The following ARHGEF28 variants were observed in gnomAD, a reference collection of about 807,000 sequenced individuals.
ARHGEF28 encodes Rho guanine nucleotide exchange factor 28, also known as 190 kDa guanine nucleotide exchange factor.
ARHGEF28 carries 152 observed loss-of-function variants against 206.6 expected under a neutral mutation model. The ratio of observed to expected loss-of-function variants is 0.74; its 90% CI spans 0.64 to 0.84. The LOEUF (loss-of-function observed/expected upper bound fraction) is 0.84. Among genes scored for constraint, ARHGEF28 ranks in the 40% least tolerant of loss-of-function variants. The pLI, the probability that ARHGEF28 is intolerant of heterozygous loss-of-function variation, is 0.00. For synonymous variants in ARHGEF28, 763 were observed against 776.4 expected (o/e 0.98, Z 0.29); for missense variants, 2,028 against 2,073.2 (o/e 0.98, Z 0.42).
At chr5:73,834,084 T>G (rs1212134085) in intron 10 of ARHGEF28, among the ~76,000 whole-genome samples, 1 of 152,164 alleles carries the variant, frequency 6.6e-6, no homozygotes, top group Non-Finnish European at 1.5e-5. Flanking sequence ...AAATAGAAAT[T>G]ATATATATTT....
rs1204845184 is a variant in ARHGEF28 at position 73,815,190 on chromosome 5, G to GTGTATA, written c.1025-17147_1025-17146insGTATAT. On this transcript the variant is annotated intron_variant, in intron 9 of 35. Coordinates refer to ENST00000513042, the MANE Select transcript of ARHGEF28 (RefSeq NM_001177693.2). ...AACTTACTGTTAAATGATTCAGGGG[G>GTGTATA]TATATATATATATATATATATGAGC... Among the ~76,000 whole-genome samples, 887 of 148,538 alleles carry GTGTATA rather than the reference G, an allele frequency of 6.0e-3. 4 individuals are homozygous for GTGTATA. Among genetic ancestry groups the GTGTATA allele is most frequent in the Non-Finnish European group, 9.0e-3 (605 of 66,902 alleles).
At position 73,868,091 on chromosome 5, in the gene ARHGEF28, C is replaced by T; in HGVS notation, c.2298-9C>T. 6.2e-7 allele frequency: 1 copy of T among 1,612,600 alleles called. No homozygotes were observed. The highest frequency in any genetic ancestry group is 8.5e-7 in the Non-Finnish European group (1 of 1,179,288). ...TGGGGCTAACTTTGCTCCCCTCCCT[C>T]TCTCCTAGCTTCAGGAGGTCAGCCA... On this transcript the variant is annotated splice_polypyrimidine_tract_variant and intron_variant, in intron 19 of 35. Coordinates refer to ENST00000513042, the MANE Select transcript of ARHGEF28 (RefSeq NM_001177693.2).
chr5:73,815,791 T>C (rs1756167540), intron 9 of ARHGEF28, among the ~76,000 whole-genome samples: 1 of 152,216 alleles, frequency 6.6e-6, no homozygotes, highest in Non-Finnish European at 1.5e-5. Flanking sequence ...ATAGCATAGC[T>C]ATGTATAAAT....
At chr5:73,823,839 T>C (rs558644166) in intron 9 of ARHGEF28, among the ~76,000 whole-genome samples, 5 of 152,374 alleles carry the variant, frequency 3.3e-5, no homozygotes, top group African/African-American at 1.2e-4. Context: ...CACCATTGAT[T>C]AGCTGTGTGC....
intron 1 of ARHGEF28, among the ~76,000 whole-genome samples, chr5:73,683,843 G>A (rs1747266058): frequency 6.6e-6 from 1 of 152,162 alleles, no homozygotes; most frequent in African/African-American, 2.4e-5. Flanking sequence ...ATGAACACAG[G>A]TGAAGCTTTC....
chr5:73,908,227 C>T (rs951234852), intron 33 of ARHGEF28, among the ~76,000 whole-genome samples: 4 of 152,152 alleles, frequency 2.6e-5, no homozygotes, highest in Non-Finnish European at 5.9e-5. Flanking sequence ...CCAGTGAATA[C>T]ATTTTTGAGT....
At chr5:73,649,193 T>C (rs2112159944) in intron 1 of ARHGEF28, among the ~76,000 whole-genome samples, 1 of 152,308 alleles carries the variant, frequency 6.6e-6, no homozygotes, top group African/African-American at 2.4e-5. Flanking sequence ...TGAATCTAAA[T>C]CTTGGCTTTT....
chr5:73,762,822 G>T lies in ARHGEF28; in HGVS notation c.475+9620G>T, dbSNP rs190833354. ...ATAGTTAAGAACTTGAGTTTTGGAG[G>T]TGGAAAAATCTAGGTTCAAATCCTT... On this transcript the variant is annotated intron_variant, in intron 4 of 35. Transcript: ENST00000513042. Among the ~76,000 whole-genome samples the T allele has an allele frequency of 2.2e-3, 338 of 152,244 alleles. 1 individual carries two copies. Among genetic ancestry groups the T allele is most frequent in the African/African-American group, 7.5e-3 (310 of 41,522 alleles).
chr5:73,732,184 C>T (rs1374744005), intron 2 of ARHGEF28, among the ~76,000 whole-genome samples: 3 of 152,028 alleles, frequency 2.0e-5, no homozygotes, highest in African/African-American at 4.8e-5. Flanking sequence ...AGAGTGTTTT[C>T]ACTGCCCTGA....
At chr5:73,755,317 G>GC (rs1483832311) in intron 4 of ARHGEF28, among the ~76,000 whole-genome samples, 5 of 96,844 alleles carry the variant, frequency 5.2e-5, no homozygotes, top group African/African-American at 1.5e-4. Context: ...GTGTTTTTTT[G>GC]GGGGGGTGTG....
chr5:73,654,290 C>T (rs1745030342), intron 1 of ARHGEF28, among the ~76,000 whole-genome samples: 1 of 152,162 alleles, frequency 6.6e-6, no homozygotes, highest in African/African-American at 2.4e-5. Context: ...ACAACCAGAA[C>T]CCCATAAATG....
intron 1 of ARHGEF28, among the ~76,000 whole-genome samples, chr5:73,656,936 C>T (rs749040481): frequency 1.6e-4 from 25 of 151,816 alleles, no homozygotes; most frequent in African/African-American, 3.1e-4. Flanking sequence ...TTTGGGAGGC[C>T]GAGGTGGGTG....
intron 1 of ARHGEF28, among the ~76,000 whole-genome samples, chr5:73,675,542 C>T (rs1399498946): frequency 2.6e-5 from 4 of 151,880 alleles, no homozygotes; most frequent in Non-Finnish European, 5.9e-5. Flanking sequence ...ACCAACCTGG[C>T]GAACACTGTG....
intron 33 of ARHGEF28, chr5:73,904,721 T>C: frequency 3.3e-6 from 1 of 304,760 alleles, no homozygotes. Flanking sequence ...CATTTTCTGA[T>C]GAAAACCTAA....
At chr5:73,883,711 A>G in intron 23 of ARHGEF28, 56 bp from the exon 24 acceptor site, 1 of 1,157,102 alleles carries the variant, frequency 8.6e-7, no homozygotes, top group African/African-American at 1.6e-5. Context: ...TTACATTCAC[A>G]CCTGAAAAGT....
rs771476292 is a variant in ARHGEF28 at position 73,911,595 on chromosome 5, T to A, written c.4948+20T>A. The A allele has an allele frequency of 6.4e-7, 1 of 1,562,796 alleles. No individual in the cohort carries two copies. Among genetic ancestry groups the A allele is most frequent in the African/African-American group, 1.4e-5 (1 of 73,976 alleles). On this transcript the variant is annotated intron_variant, in intron 35 of 35. Coordinates refer to ENST00000513042, the MANE Select transcript of ARHGEF28 (RefSeq NM_001177693.2). ...AAAATGGTAATTAACACTTTAAACATCATCTGTATAGTTTGAACAAGAAGT... is the reference window on the plus strand; with the variant it reads ...AAAATGGTAATTAACACTTTAAACAACATCTGTATAGTTTGAACAAGAAGT...
chr5:73,822,024 A>G (rs1756625411), intron 9 of ARHGEF28, among the ~76,000 whole-genome samples: 1 of 152,044 alleles, frequency 6.6e-6, no homozygotes, highest in African/African-American at 2.4e-5. Flanking sequence ...TCTCTCCCCT[A>G]TTATAAGGGA....
intron 2 of ARHGEF28, among the ~76,000 whole-genome samples, chr5:73,726,138 G>C (rs1443286950): frequency 1.3e-5 from 2 of 152,162 alleles, no homozygotes; most frequent in African/African-American, 4.8e-5. Context: ...TAAACCAGGG[G>C]AGAAAGTGTG....
intron 35 of ARHGEF28, among the ~76,000 whole-genome samples, chr5:73,922,723 T>C (rs772008314): frequency 1.9e-4 from 29 of 152,252 alleles, no homozygotes; most frequent in Non-Finnish European, 3.7e-4. Context: ...TTAATATATA[T>C]TCCATCTGAC....
Sources: allele counts gnomAD v4.1 joint callset (sites outside exome capture counted in the v4.1 genomes callset), GRCh38; gene constraint gnomAD v4.1.1; transcripts MANE v1.5; gene names NCBI Gene and HGNC (gene_info 2026-07-23, HGNC 2026-07-21).